The following MAP4K4 variants were observed in gnomAD, a reference collection of about 807,000 sequenced individuals.
MAP4K4 encodes HPK/GCK-like kinase HGK.
MAP4K4 carries 38 observed loss-of-function variants against 189.6 expected under a neutral mutation model. The observed-to-expected ratio is 0.20, with a 90% CI of 0.15 to 0.26. The LOEUF (loss-of-function observed/expected upper bound fraction) is 0.26. Among genes scored for constraint, MAP4K4 ranks in the 10% least tolerant of loss-of-function variants. MAP4K4 has a pLI of 1.00. For missense variants in MAP4K4, 1,054 were observed against 1,726.9 expected, an observed-to-expected ratio of 0.61 and a Z score of 6.91; for synonymous variants, 610 against 624.3, an observed-to-expected ratio of 0.98 and a Z score of 0.34.
intron 2 of MAP4K4, among the ~76,000 whole-genome samples, chr2:101,762,600 A>T (rs1336933702): frequency 2.0e-5 from 3 of 152,208 alleles, no homozygotes; most frequent in Admixed American, 2.0e-4. Flanking sequence ...ACAGGGGAAG[A>T]TTATTAAGGG....
At chr2:101,849,055 C>G (rs975069704) in intron 12 of MAP4K4, among the ~76,000 whole-genome samples, 3 of 152,078 alleles carry the variant, frequency 2.0e-5, no homozygotes, top group Non-Finnish European at 4.4e-5. Context: ...TGGGTACACT[C>G]ATATTTTGTC....
intron 2 of MAP4K4, among the ~76,000 whole-genome samples, chr2:101,729,101 A>AGAGTGTGTGTGTGTGTGTGTGT (rs149283961): frequency 7.7e-6 from 1 of 130,504 alleles, no homozygotes; most frequent in Non-Finnish European, 1.6e-5. Context: ...AGAGAGAGAG[A>AGAGTGTGTGTGTGTGTGTGTGT]GTGTGTGTGT....
chr2:101,805,918 T>A (rs148969157), intron 3 of MAP4K4, among the ~76,000 whole-genome samples: 14 of 152,306 alleles, frequency 9.2e-5, no homozygotes, highest in Admixed American at 1.3e-4. Context: ...TTGTCTACTT[T>A]CCTACCGACT....
At chr2:101,741,370 G>A (rs1286089747) in intron 2 of MAP4K4, among the ~76,000 whole-genome samples, 2 of 151,568 alleles carry the variant, frequency 1.3e-5, no homozygotes, top group Non-Finnish European at 2.9e-5. Flanking sequence ...GGGTTTCACC[G>A]TGTTAGCCAG....
intron 3 of MAP4K4, among the ~76,000 whole-genome samples, chr2:101,818,272 T>C (rs1240064894): frequency 1.3e-5 from 2 of 152,234 alleles, no homozygotes; most frequent in Non-Finnish European, 1.5e-5. Context: ...TATATTCATT[T>C]GTACATTTTG....
intron 2 of MAP4K4, among the ~76,000 whole-genome samples, chr2:101,723,688 A>G (rs758015793): frequency 1.3e-5 from 2 of 152,138 alleles, no homozygotes; most frequent in Admixed American, 1.3e-4. Flanking sequence ...GCTTGTTTTT[A>G]AGTACTTTTT....
intron 2 of MAP4K4, among the ~76,000 whole-genome samples, chr2:101,703,428 G>C (rs1215547609): frequency 1.3e-5 from 2 of 151,834 alleles, no homozygotes; most frequent in African/African-American, 4.8e-5. Flanking sequence ...GACCAGCCTA[G>C]CCAACATGGC....
chr2:101,710,596 A>C (rs1489769057), intron 2 of MAP4K4, among the ~76,000 whole-genome samples: 6 of 152,228 alleles, frequency 3.9e-5, no homozygotes, highest in Admixed American at 3.9e-4. Context: ...CGTATAGCCT[A>C]ATGTGTAAGG....
At chr2:101,803,480 T>G (rs1480078918) in intron 3 of MAP4K4, among the ~76,000 whole-genome samples, 2 of 152,212 alleles carry the variant, frequency 1.3e-5, no homozygotes, top group Non-Finnish European at 2.9e-5. Flanking sequence ...AATGGTGAAG[T>G]CTTTTAAAAG....
At chr2:101,765,278 T>G (rs904341422) in intron 2 of MAP4K4, among the ~76,000 whole-genome samples, 5 of 152,196 alleles carry the variant, frequency 3.3e-5, no homozygotes, top group Non-Finnish European at 7.3e-5. Context: ...CAAGGATTGT[T>G]GTTTTTCTTA....
At chr2:101,841,782 A>G (rs1281503894) in intron 10 of MAP4K4, among the ~76,000 whole-genome samples, 6 of 152,064 alleles carry the variant, frequency 3.9e-5, no homozygotes, top group African/African-American at 9.7e-5. Context: ...TTCATCTTGT[A>G]TATCTTTGAA....
intron 18 of MAP4K4, among the ~76,000 whole-genome samples, chr2:101,865,792 T>G (rs1200886688): frequency 6.6e-6 from 1 of 152,242 alleles, no homozygotes; most frequent in African/African-American, 2.4e-5. Context: ...AACCTTGGTC[T>G]GACTTGAGGT....
chr2:101,794,091 C>T (rs1026479816), intron 3 of MAP4K4, among the ~76,000 whole-genome samples: 5 of 152,038 alleles, frequency 3.3e-5, no homozygotes, highest in Non-Finnish European at 7.4e-5. Flanking sequence ...GAAAGCATGT[C>T]TTTTATCTGA....
At chr2:101,873,848 G>T in intron 25 of MAP4K4, 84 bp downstream of exon 25, 1 of 1,014,708 alleles carries the variant, frequency 9.9e-7, no homozygotes, top group Non-Finnish European at 1.5e-6. Flanking sequence ...GGTGTAGCTG[G>T]TTGTTCACAG....
At chr2:101,729,517 T>A (rs2057448981) in intron 2 of MAP4K4, among the ~76,000 whole-genome samples, 1 of 152,228 alleles carries the variant, frequency 6.6e-6, no homozygotes, top group South Asian at 2.1e-4. Flanking sequence ...AAAGCTACTG[T>A]ACTGGGAGAT....
In MAP4K4 at chr2:101,836,098, G is replaced by C. The variant is rs2096742063; in HGVS notation, c.773+120G>C. On this transcript the variant is annotated intron_variant, in intron 9 of 32. Coordinates refer to ENST00000324219, the Ensembl canonical transcript of MAP4K4. ...CTAATTCTGGGGAACCCAAGAGCCA[G>C]TTCTCCAAAACACCAATTAAAAGAT... 4 of 674,970 alleles carry C rather than the reference G, an allele frequency of 5.9e-6. No homozygotes were observed. In the African/African-American group the frequency reaches 7.3e-5, roughly 12 times the overall value. 41.8% of individuals were successfully genotyped at this position (674,970 alleles called of 1,614,324 possible). A position where few individuals can be genotyped will look rare whatever the true frequency, so the allele number is the denominator to read the frequency against.
chr2:101,837,925 G>T (rs1387826673), intron 9 of MAP4K4, among the ~76,000 whole-genome samples: 1 of 152,136 alleles, frequency 6.6e-6, no homozygotes, highest in East Asian at 1.9e-4. Flanking sequence ...GGGTTAGACG[G>T]CATATTTCAT....
intron 2 of MAP4K4, among the ~76,000 whole-genome samples, chr2:101,734,830 A>G (rs2059755860): frequency 6.6e-6 from 1 of 152,094 alleles, no homozygotes; most frequent in South Asian, 2.1e-4. Flanking sequence ...ATTTGGCTGG[A>G]GCCTTAGCCT....
intron 2 of MAP4K4, among the ~76,000 whole-genome samples, chr2:101,766,562 C>G (rs1212325315): frequency 1.3e-5 from 2 of 151,106 alleles, no homozygotes; most frequent in African/African-American, 4.9e-5. Context: ...GAAGTAAACC[C>G]TAAGCCACCA....
Sources: gnomAD v4.1 joint callset for allele counts (sites outside exome capture counted in the v4.1 genomes callset) on GRCh38, gnomAD v4.1.1 for gene constraint, MANE v1.5 for transcripts, NCBI Gene and HGNC (gene_info 2026-07-23, HGNC 2026-07-21) for gene names.